Variants in CA10 observed in about 807,000 individuals in gnomAD.
CA10 encodes carbonic anhydrase 10 (inactive).
A neutral mutation model predicts 44.2 loss-of-function variants in CA10; 14 were observed. The observed-to-expected ratio is 0.32, with a 90% CI of 0.21 to 0.50. The LOEUF is 0.50. Ranked by LOEUF, CA10 falls within the 20% of genes least tolerant of loss-of-function variation. The probability of loss-of-function intolerance (pLI) is 0.99; values close to 1 mark genes in which losing one functional copy is unlikely to be tolerated. For missense variants in CA10, 350 were observed against 409.7 expected (o/e 0.85, Z 1.26); for synonymous variants, 159 against 141.6 (o/e 1.12, Z -0.87).
chr17:51,912,087 C>T (rs996964459), intron 3 of CA10, among the ~76,000 whole-genome samples: 123 of 152,200 alleles, frequency 8.1e-4, no homozygotes, highest in African/African-American at 2.9e-3. Context: ...CCTATTTCAC[C>T]ATGTTATATG....
At chr17:51,745,583 T>A (rs977102695) in intron 4 of CA10, among the ~76,000 whole-genome samples, 30 of 150,666 alleles carry the variant, frequency 2.0e-4, no homozygotes, top group Non-Finnish European at 3.0e-5. Context: ...CACTAAGAGA[T>A]CAAATTACTA....
Position 51,955,237 on chromosome 17 carries a change from T to C in CA10, c.137-24105A>G, listed in dbSNP as rs186137103. On this transcript the variant is annotated intron_variant, in intron 2 of 8. Transcript: ENST00000451037. Reference sequence around the variant, plus strand: ...CTCGAAGTGGTCACCTTTTTTTATCTCAGAGCCTCATTACCTCTGAGAGGT... The same window carrying C: ...CTCGAAGTGGTCACCTTTTTTTATCCCAGAGCCTCATTACCTCTGAGAGGT... Among the ~76,000 whole-genome samples, 571 of 152,238 alleles carry C rather than the reference T, an allele frequency of 3.8e-3. 2 individuals are homozygous for C. The highest frequency in any genetic ancestry group is 8.7e-3 in the Admixed American group (133 of 15,286).
intron 3 of CA10, among the ~76,000 whole-genome samples, chr17:51,814,975 G>A (rs1031337009): frequency 1.3e-5 from 2 of 152,146 alleles, no homozygotes; most frequent in Non-Finnish European, 2.9e-5. Flanking sequence ...TTCAGGGAAA[G>A]GTGTAGTGAA....
chr17:52,042,478 G>A (rs1228803847), intron 2 of CA10, among the ~76,000 whole-genome samples: 1 of 151,722 alleles, frequency 6.6e-6, no homozygotes, highest in Non-Finnish European at 1.5e-5. Context: ...AATTGTATAA[G>A]TTTCTTATAT....
intron 3 of CA10, among the ~76,000 whole-genome samples, chr17:51,806,117 C>T (rs184431829): frequency 1.5e-4 from 23 of 152,290 alleles, no homozygotes; most frequent in Non-Finnish European, 2.8e-4. Flanking sequence ...TGGTGAGGAG[C>T]TTGAGTTTTC....
chr17:52,085,162 T>G (rs1407707054), intron 1 of CA10, among the ~76,000 whole-genome samples: 2 of 152,172 alleles, frequency 1.3e-5, no homozygotes, highest in Non-Finnish European at 2.9e-5. Flanking sequence ...ACCCATGGAG[T>G]GAAGACATTG....
intron 4 of CA10, among the ~76,000 whole-genome samples, chr17:51,715,666 G>GT: frequency 6.6e-6 from 1 of 152,120 alleles, no homozygotes; most frequent in Non-Finnish European, 1.5e-5. Context: ...TCATCCTATT[G>GT]TGTGATCAGA....
chr17:51,730,339 T>G (rs1005099734), intron 4 of CA10, among the ~76,000 whole-genome samples: 1 of 152,234 alleles, frequency 6.6e-6, no homozygotes, highest in African/African-American at 2.4e-5. Flanking sequence ...TCTGTTTCTT[T>G]GATGAGGAAG....
intron 3 of CA10, among the ~76,000 whole-genome samples, chr17:51,910,698 C>G (rs972658598): frequency 6.6e-6 from 1 of 152,050 alleles, no homozygotes; most frequent in African/African-American, 2.4e-5. Flanking sequence ...TAAAACACAT[C>G]GATTGTTCAA....
chr17:51,813,405 G>A (rs1444961702), intron 3 of CA10, among the ~76,000 whole-genome samples: 1 of 152,184 alleles, frequency 6.6e-6, no homozygotes, highest in East Asian at 1.9e-4. Flanking sequence ...CATTCACCCA[G>A]GCTGCTGTAA....
intron 3 of CA10, among the ~76,000 whole-genome samples, chr17:51,881,617 A>G (rs1248401251): frequency 6.6e-6 from 1 of 152,254 alleles, no homozygotes; most frequent in African/African-American, 2.4e-5. Flanking sequence ...GAACGGGGAT[A>G]TGTATAGGCA....
At chr17:51,639,652 C>T (rs977623595) in intron 6 of CA10, among the ~76,000 whole-genome samples, 1 of 152,212 alleles carries the variant, frequency 6.6e-6, no homozygotes, top group African/African-American at 2.4e-5. Flanking sequence ...CATTTTCACT[C>T]CCCACTGTGT....
intron 2 of CA10, among the ~76,000 whole-genome samples, chr17:52,018,096 G>GA (rs1986024973): frequency 6.6e-6 from 1 of 152,146 alleles, no homozygotes; most frequent in Non-Finnish European, 1.5e-5. Context: ...GGATGTATGG[G>GA]AAAGCCTGGG....
chr17:51,905,140 G>T (rs1981488590), intron 3 of CA10, among the ~76,000 whole-genome samples: 1 of 152,034 alleles, frequency 6.6e-6, no homozygotes, highest in Non-Finnish European at 1.5e-5. Context: ...TTGAATATTT[G>T]CCCTAAGATT....
intron 1 of CA10, among the ~76,000 whole-genome samples, chr17:52,148,107 C>T (rs1989627657): frequency 6.6e-6 from 1 of 152,154 alleles, no homozygotes. Flanking sequence ...TGTTTTCTGA[C>T]ACAAGACTGA....
chr17:52,090,775 T>G (rs1988237360), intron 1 of CA10, among the ~76,000 whole-genome samples: 1 of 152,114 alleles, frequency 6.6e-6, no homozygotes, highest in Admixed American at 6.6e-5. Flanking sequence ...GAAATTAAAA[T>G]AAATTCTGCC....
At chr17:51,742,096 T>C (rs984824611) in intron 4 of CA10, among the ~76,000 whole-genome samples, 2 of 152,104 alleles carry the variant, frequency 1.3e-5, no homozygotes, top group Non-Finnish European at 2.9e-5. Context: ...CAGGATCCTC[T>C]GGAAGTCAAA....
At chr17:52,064,347 G>A (rs1041151828) in intron 2 of CA10, among the ~76,000 whole-genome samples, 10 of 152,154 alleles carry the variant, frequency 6.6e-5, no homozygotes, top group African/African-American at 2.4e-4. Context: ...TAACAAATGT[G>A]TGTCATTTTA....
At chr17:51,972,982 T>C (rs1412602092) in intron 2 of CA10, among the ~76,000 whole-genome samples, 1 of 152,136 alleles carries the variant, frequency 6.6e-6, no homozygotes, top group Non-Finnish European at 1.5e-5. Context: ...GATTAGGAAA[T>C]GCTGGAAAAT....
Sources: allele counts gnomAD v4.1 joint callset (sites outside exome capture counted in the v4.1 genomes callset), GRCh38; gene constraint gnomAD v4.1.1; transcripts MANE v1.5; gene names NCBI Gene and HGNC (gene_info 2026-07-23, HGNC 2026-07-21).